KIF26B: variants seen among roughly 807,000 people sequenced by gnomAD.
KIF26B encodes the protein kinesin-like protein KIF26B.
A neutral mutation model predicts 151.2 loss-of-function variants in KIF26B; 63 were observed. The ratio of observed to expected loss-of-function variants is 0.42; its 90% CI spans 0.34 to 0.51. The LOEUF (loss-of-function observed/expected upper bound fraction) is 0.51. Among genes scored for constraint, KIF26B ranks in the 20% least tolerant of loss-of-function variants. The probability of loss-of-function intolerance (pLI) is 0.07; values close to 1 mark genes in which losing one functional copy is unlikely to be tolerated. For synonymous variants in KIF26B, 1,357 were observed against 1,262.1 expected (o/e 1.08, Z -1.59); for missense variants, 2,813 against 2,913.6 (o/e 0.97, Z 0.79).
chr1:245,570,093 A>T (rs540438966), intron 5 of KIF26B, among the ~76,000 whole-genome samples: 3 of 150,510 alleles, frequency 2.0e-5, no homozygotes, highest in Non-Finnish European at 4.4e-5. Context: ...CCGCCACCAC[A>T]CCCGGCTAAT....
chr1:245,230,088 G>C (rs577312985), intron 2 of KIF26B, among the ~76,000 whole-genome samples: 1 of 150,162 alleles, frequency 6.7e-6, no homozygotes, highest in Non-Finnish European at 1.5e-5. Flanking sequence ...AGCCGAGATC[G>C]CGTTATTGCA....
At chr1:245,435,161 AT>A (rs1658886145) in intron 4 of KIF26B, among the ~76,000 whole-genome samples, 1 of 151,838 alleles carries the variant, frequency 6.6e-6, no homozygotes, top group Non-Finnish European at 1.5e-5. Context: ...CCATCCATCC[AT>A]CCATCCATCC....
At position 245,560,937 on chromosome 1, in the gene KIF26B, G is replaced by C. The variant is rs1334527658; in HGVS notation, c.1350+19987G>C. 6.6e-6 allele frequency among the ~76,000 whole-genome samples: 1 copy of C among 152,188 alleles called. No homozygotes were observed. The highest frequency in any genetic ancestry group is 1.5e-5 in the Non-Finnish European group (1 of 68,048). ...GGGAGCCGTGCTAAGGTGTGATACAGGCCATGCCCCTTCTAGCCCCATGGG... is the reference window on the plus strand; with the variant it reads ...GGGAGCCGTGCTAAGGTGTGATACACGCCATGCCCCTTCTAGCCCCATGGG... On this transcript the variant is annotated intron_variant, in intron 5 of 14. Transcript: ENST00000407071. The surrounding 1 kb of genome is among the most constrained non-coding windows in gnomAD (Gnocchi z 4.3).
chr1:245,686,055 C>T lies in KIF26B; in HGVS notation c.3072C>T (p.Ser1024=), dbSNP rs917373092. The T allele has an allele frequency of 1.0e-5, 16 of 1,594,868 alleles. No homozygotes were observed. The East Asian group carries it at 1.4e-4, about 14-fold the overall frequency. Reference sequence around the variant, plus strand: ...GCCCCAGCCCGGCCTCACCCAGGAGCGTCCCGGGCAGCAGTAGCCAGCACA... The same window carrying T: ...GCCCCAGCCCGGCCTCACCCAGGAGTGTCCCGGGCAGCAGTAGCCAGCACA... ...AHSPSPASPR[S]VPGSSSQHSA... The change falls in exon 12 of 15, where the codon AGC becomes AGT. Residue 1024 remains serine, a synonymous_variant. Coordinates refer to ENST00000407071, the MANE Select transcript of KIF26B (RefSeq NM_018012.4). The surrounding 1 kb of genome is among the most constrained non-coding windows in gnomAD (Gnocchi z 5.6).
chr1:245,698,275 G>A lies in KIF26B; in HGVS notation c.5994G>A (p.Glu1998=). Residue 1998 remains glutamate (E), a synonymous_variant, in exon 13 of 15, where the codon GAG becomes GAA. Coordinates refer to ENST00000407071, the MANE Select transcript of KIF26B (RefSeq NM_018012.4). This position sits in a 1 kb window ranked among gnomAD's most constrained non-coding sequence, Gnocchi z 4.0. The stretch of plus-strand genomic sequence containing the variant: ...AAGTCTATGAAATCGATGACGTGGA[G>A]CGCCTGCAGCGGCGACGAGGGGGTG... ...EIKVYEIDDV[E]RLQRRRGGAS... is the part of the protein sequence containing the mutation. The A allele has an allele frequency of 6.2e-7, 1 of 1,613,740 alleles. No homozygotes were observed. The highest frequency in any genetic ancestry group is 8.5e-7 in the Non-Finnish European group (1 of 1,179,796).
chr1:245,632,633 C>G (rs572556036), intron 9 of KIF26B, among the ~76,000 whole-genome samples: 1 of 152,284 alleles, frequency 6.6e-6, no homozygotes, highest in South Asian at 2.1e-4. Context: ...CAGGACCAGG[C>G]ACATTGGCTC....
intron 2 of KIF26B, among the ~76,000 whole-genome samples, chr1:245,226,450 G>A (rs1473564005): frequency 6.6e-6 from 1 of 151,660 alleles, no homozygotes; most frequent in African/African-American, 2.4e-5. Context: ...CTTGTGGAGG[G>A]TGCACCTCTT....
intron 2 of KIF26B, among the ~76,000 whole-genome samples, chr1:245,309,854 ATATT>A (rs1296106522): frequency 2.1e-5 from 3 of 143,184 alleles, no homozygotes; most frequent in Non-Finnish European, 4.5e-5. Flanking sequence ...ATTATATATA[ATATT>A]TAATATATAT....
At chr1:245,354,203 G>C (rs960624070) in intron 2 of KIF26B, among the ~76,000 whole-genome samples, 1 of 152,172 alleles carries the variant, frequency 6.6e-6, no homozygotes, top group African/African-American at 2.4e-5. Context: ...GTTTTCTTTA[G>C]AATTGTACGA....
rs201078317 is a variant in KIF26B at position 245,192,350 on chromosome 1, AG to A, written c.465+35668del. ...TAGACAGTTTAAAACTTCACAGGAAAGAAAAAAAAGGATGCTTGCTACAATA... is the reference window on the plus strand; with the variant it reads ...TAGACAGTTTAAAACTTCACAGGAAAAAAAAAAAGGATGCTTGCTACAATA... On this transcript the variant is annotated intron_variant, in intron 2 of 14. Coordinates refer to ENST00000407071, the MANE Select transcript of KIF26B (RefSeq NM_018012.4). Among the ~76,000 whole-genome samples, 888 of 149,338 alleles carry A rather than the reference AG, an allele frequency of 5.9e-3. 12 individuals carry two copies. Among genetic ancestry groups the A allele is most frequent in the East Asian group, 0.019 (96 of 5,124 alleles).
rs529838103 is a variant in KIF26B at position 245,433,760 on chromosome 1, C to A, written c.1166+14015C>A. On this transcript the variant is annotated intron_variant, in intron 4 of 14. Transcript: ENST00000407071. ...TTTTCTGGCACCTGGTGTGCTTGTTCATGAAGTGCACTGAGATTCCGGAAA... is the reference window on the plus strand; with the variant it reads ...TTTTCTGGCACCTGGTGTGCTTGTTAATGAAGTGCACTGAGATTCCGGAAA... Among the ~76,000 whole-genome samples the A allele has an allele frequency of 7.2e-5, 11 of 152,162 alleles. No homozygotes were observed. In the East Asian group the frequency reaches 2.1e-3, roughly 30 times the overall value.
intron 2 of KIF26B, among the ~76,000 whole-genome samples, chr1:245,276,811 C>A (rs990863): frequency 1.3e-5 from 2 of 152,028 alleles, no homozygotes; most frequent in Non-Finnish European, 2.9e-5. Context: ...TGTTGAATTG[C>A]TGTCTCTGTA....
At chr1:245,455,130 G>A (rs548046639) in intron 4 of KIF26B, among the ~76,000 whole-genome samples, 3 of 152,226 alleles carry the variant, frequency 2.0e-5, no homozygotes, top group Non-Finnish European at 2.9e-5. Flanking sequence ...ATTGGTATCC[G>A]ATCTCTCCCT....
chr1:245,481,065 G>A (rs1175312732), intron 4 of KIF26B, among the ~76,000 whole-genome samples: 3 of 151,882 alleles, frequency 2.0e-5, no homozygotes, highest in Admixed American at 6.6e-5. Flanking sequence ...GCCAGGCACT[G>A]TGCTGGCCGT....
At chr1:245,214,244 G>A (rs1193746130) in intron 2 of KIF26B, 1 of 151,700 alleles carries the variant, frequency 6.6e-6, no homozygotes, top group East Asian at 1.9e-4. Context: ...AGGCTTAGTG[G>A]TGTGTGCCTG....
rs761172012 is a variant in KIF26B at position 245,702,527 on chromosome 1, G to C, written c.6248G>C (p.Arg2083Pro). ...YLEALECVTE[R>P]LESRVNFCKA... Reference sequence around the variant, plus strand: ...GAGGCACTGGAGTGTGTGACGGAGCGCCTGGAGAGCCGTGTCAACTTCTGC... The same window carrying C: ...GAGGCACTGGAGTGTGTGACGGAGCCCCTGGAGAGCCGTGTCAACTTCTGC... Residue 2083 changes from arginine (R) to proline (P), a missense_variant, in exon 15 of 15, where the codon CGC becomes CCC. Physicochemically the swap from Arg to Pro is moderately radical, Grantham distance 103 (BLOSUM62 -2). Around this residue, in one of 3 missense-constraint regions of KIF26B, gnomAD observed 2,060 missense variants for 2,088.6 expected, o/e 0.99. Coordinates refer to ENST00000407071, the MANE Select transcript of KIF26B (RefSeq NM_018012.4). This position sits in a 1 kb window ranked among gnomAD's most constrained non-coding sequence, Gnocchi z 4.1. The C allele has an allele frequency of 6.2e-7, 1 of 1,613,818 alleles. No homozygotes were observed. The highest frequency in any genetic ancestry group is 8.5e-7 in the Non-Finnish European group (1 of 1,179,890).
chr1:245,384,653 G>A (rs1673498415), intron 3 of KIF26B, among the ~76,000 whole-genome samples: 1 of 152,164 alleles, frequency 6.6e-6, no homozygotes, highest in African/African-American at 2.4e-5. Flanking sequence ...CTCACCACCT[G>A]CATGGAGGAA....
chr1:245,463,933 A>G (rs1659707955), intron 4 of KIF26B, among the ~76,000 whole-genome samples: 1 of 152,132 alleles, frequency 6.6e-6, no homozygotes, highest in African/African-American at 2.4e-5. Flanking sequence ...TTTTGTCCTG[A>G]TGATTCATTC....
chr1:245,555,137 C>A (rs1661988101), intron 5 of KIF26B, among the ~76,000 whole-genome samples: 1 of 152,074 alleles, frequency 6.6e-6, no homozygotes, highest in Non-Finnish European at 1.5e-5. Context: ...TTGAGAATGC[C>A]CCTGTTAAGA....
Sources: gnomAD v4.1 joint callset for allele counts (sites outside exome capture counted in the v4.1 genomes callset) on GRCh38, gnomAD v4.1.1 for gene constraint, gnomAD v4.1.1 regional missense constraint, Gnocchi (gnomAD v3.1) non-coding constraint, MANE v1.5 for transcripts, NCBI Gene and HGNC (gene_info 2026-07-23, HGNC 2026-07-21) for gene names.